Variants in SDK1 observed in about 807,000 individuals in gnomAD.
SDK1 encodes the protein sidekick cell adhesion molecule 1.
A neutral mutation model predicts 245.5 loss-of-function variants in SDK1; 157 were observed. That is an observed-to-expected ratio of 0.64 (90% CI 0.56 to 0.73). The LOEUF (loss-of-function observed/expected upper bound fraction) is 0.73. Ranked by LOEUF, SDK1 falls within the 30% of genes least tolerant of loss-of-function variation. The pLI is 0.00. For synonymous variants in SDK1, 1,647 were observed against 1,278.5 expected (o/e 1.29, Z -6.15); for missense variants, 3,583 against 3,002.3 (o/e 1.19, Z -4.52).
intron 1 of SDK1, among the ~76,000 whole-genome samples, chr7:3,575,562 G>T (rs562589059): frequency 2.8e-4 from 43 of 152,114 alleles, no homozygotes; most frequent in African/African-American, 9.6e-4. Flanking sequence ...TGTAGATAGT[G>T]CTTTTTGCTG....
intron 17 of SDK1, among the ~76,000 whole-genome samples, chr7:4,029,245 T>G: frequency 7.7e-6 from 1 of 129,298 alleles, no homozygotes; most frequent in East Asian, 2.1e-4. Flanking sequence ...GAAGTCTCAC[T>G]CTGTCATCCA....
At chr7:3,715,281 C>G (rs1407055446) in intron 4 of SDK1, among the ~76,000 whole-genome samples, 1 of 152,032 alleles carries the variant, frequency 6.6e-6, no homozygotes, top group Non-Finnish European at 1.5e-5. Context: ...TATATAAATT[C>G]ATGTATGTAT....
At chr7:3,466,999 C>CT (rs1289470372) in intron 1 of SDK1, among the ~76,000 whole-genome samples, 1 of 142,952 alleles carries the variant, frequency 7.0e-6, no homozygotes, top group Non-Finnish European at 1.5e-5. Context: ...CACACACACA[C>CT]ACACACACAC....
chr7:3,849,012 C>A (rs1193751077), intron 5 of SDK1, among the ~76,000 whole-genome samples: 1 of 152,168 alleles, frequency 6.6e-6, no homozygotes, highest in African/African-American at 2.4e-5. Context: ...TTCTTCCGGA[C>A]CCCCTTGAGG....
chr7:3,837,006 G>A (rs1270396783), intron 5 of SDK1, among the ~76,000 whole-genome samples: 5 of 152,108 alleles, frequency 3.3e-5, no homozygotes, highest in African/African-American at 1.2e-4. Context: ...GAGCTCTGGT[G>A]TCTCTTCCGC....
intron 4 of SDK1, among the ~76,000 whole-genome samples, chr7:3,803,089 A>G (rs1242401115): frequency 4.6e-5 from 7 of 152,224 alleles, no homozygotes; most frequent in Non-Finnish European, 7.3e-5. Context: ...TCTCTCAGCA[A>G]CATATGAGAG....
chr7:3,834,315 T>G (rs1779982801), intron 5 of SDK1, among the ~76,000 whole-genome samples: 1 of 152,224 alleles, frequency 6.6e-6, no homozygotes, highest in Non-Finnish European at 1.5e-5. Context: ...ATATGACATG[T>G]GGTTCCTGCC....
intron 4 of SDK1, among the ~76,000 whole-genome samples, chr7:3,681,507 C>G (rs994025068): frequency 6.6e-6 from 1 of 152,150 alleles, no homozygotes; most frequent in Non-Finnish European, 1.5e-5. Context: ...GGCAAGTCTT[C>G]AAATTTATTT....
At chr7:3,697,355 A>C (rs1308717797) in intron 4 of SDK1, among the ~76,000 whole-genome samples, 1 of 152,100 alleles carries the variant, frequency 6.6e-6, no homozygotes, top group Non-Finnish European at 1.5e-5. Context: ...ACTGATTTGG[A>C]GCTTCTGCCT....
Position 3,688,608 on chromosome 7 carries a change from A to G in SDK1, c.713+46503A>G, listed in dbSNP as rs142774647. Among the ~76,000 whole-genome samples the G allele has an allele frequency of 5.5e-3, 840 of 152,344 alleles. 4 individuals are homozygous for G. The highest frequency in any genetic ancestry group is 0.02 in the African/African-American group (811 of 41,572). ...AAATTTCGTCTTTGTTTCTAACAGC[A>G]TGATTTCTAGAAAGTCACTTAGCTT... is the stretch of plus-strand genomic sequence containing the variant. On this transcript the variant is annotated intron_variant, in intron 4 of 44. Coordinates refer to ENST00000404826, the MANE Select transcript of SDK1 (RefSeq NM_152744.4).
intron 4 of SDK1, among the ~76,000 whole-genome samples, chr7:3,658,062 C>T (rs989507350): frequency 2.0e-5 from 3 of 152,166 alleles, no homozygotes; most frequent in Admixed American, 6.5e-5. Flanking sequence ...GGCAAGTGCC[C>T]GACTTCGGTG....
chr7:3,403,490 G>T (rs1019270642), intron 1 of SDK1, among the ~76,000 whole-genome samples: 1 of 151,888 alleles, frequency 6.6e-6, no homozygotes, highest in Non-Finnish European at 1.5e-5. Flanking sequence ...ATGAAAAACA[G>T]GTCTTTTTGT....
intron 4 of SDK1, among the ~76,000 whole-genome samples, chr7:3,678,261 C>T (rs1276528179): frequency 6.6e-6 from 1 of 152,220 alleles, no homozygotes; most frequent in South Asian, 2.1e-4. Flanking sequence ...AGCAATTTCA[C>T]ATCTAGGTAT....
At chr7:3,856,099 A>T (rs967323981) in intron 5 of SDK1, among the ~76,000 whole-genome samples, 15 of 152,162 alleles carry the variant, frequency 9.9e-5, no homozygotes, top group African/African-American at 3.4e-4. Context: ...GGGAGAAGAG[A>T]GATGTGGAGT....
intron 4 of SDK1, among the ~76,000 whole-genome samples, chr7:3,761,103 G>A (rs925967806): frequency 1.3e-5 from 2 of 152,232 alleles, no homozygotes; most frequent in East Asian, 3.9e-4. Context: ...TTTATGTAAA[G>A]ATTTGTAAAT....
chr7:3,500,417 G>A (rs1374287454), intron 1 of SDK1, among the ~76,000 whole-genome samples: 4 of 152,086 alleles, frequency 2.6e-5, no homozygotes, highest in African/African-American at 7.2e-5. Flanking sequence ...GATTTACTGG[G>A]TAGAGAATTC....
At chr7:3,885,834 G>A (rs1158207075) in intron 5 of SDK1, among the ~76,000 whole-genome samples, 1 of 152,190 alleles carries the variant, frequency 6.6e-6, no homozygotes, top group Non-Finnish European at 1.5e-5. Context: ...CAATGGTGAT[G>A]ACAAATGCTA....
At chr7:3,746,172 A>G (rs1779611518) in intron 4 of SDK1, among the ~76,000 whole-genome samples, 1 of 152,264 alleles carries the variant, frequency 6.6e-6, no homozygotes, top group South Asian at 2.1e-4. Context: ...TCCAGTGCAT[A>G]TAAAAGTTAT....
At chr7:4,020,769 C>G (rs745969297) in intron 17 of SDK1, among the ~76,000 whole-genome samples, 3 of 152,212 alleles carry the variant, frequency 2.0e-5, no homozygotes, top group Non-Finnish European at 4.4e-5. Context: ...ATATTTACTA[C>G]TAATGTGCCT....
Sources: allele counts gnomAD v4.1 joint callset (sites outside exome capture counted in the v4.1 genomes callset), GRCh38; gene constraint gnomAD v4.1.1; transcripts MANE v1.5; gene names NCBI Gene and HGNC (gene_info 2026-07-23, HGNC 2026-07-21).